DOCK9: variants seen among roughly 807,000 people sequenced by gnomAD.
The protein encoded by DOCK9 is dedicator of cytokinesis protein 9.
In DOCK9, 89 loss-of-function variants were observed where a neutral mutation model predicts 263.3. That is an observed-to-expected ratio of 0.34 (90% confidence interval 0.28 to 0.40). The LOEUF is 0.40. Ranked by LOEUF, DOCK9 falls within the 10% of genes least tolerant of loss-of-function variation. The pLI is 1.00. For synonymous variants in DOCK9, 976 were observed against 973.1 expected (o/e 1.00, Z -0.06); for missense variants, 2,140 against 2,603.4 (o/e 0.82, Z 3.87).
rs201780760 is a variant in DOCK9 at position 98,867,761 on chromosome 13, C to CG, written c.3174+166_3174+167insC. On this transcript the variant is annotated intron_variant, in intron 29 of 52. Transcript: ENST00000682017. ...TGTCTTCAATTGATTTTTAGGGCTCCTCCTACTTCAATGAAGGACTTCAGG... is the reference window on the plus strand; with the variant it reads ...TGTCTTCAATTGATTTTTAGGGCTCCGTCCTACTTCAATGAAGGACTTCAGG... Among the ~76,000 whole-genome samples the CG allele has an allele frequency of 3.2e-3, 487 of 152,150 alleles. 1 individual carries two copies. The highest frequency in any genetic ancestry group is 0.011 in the African/African-American group (448 of 41,506).
At chr13:98,994,645 T>C (rs1399261658) in intron 1 of DOCK9, among the ~76,000 whole-genome samples, 3 of 152,000 alleles carry the variant, frequency 2.0e-5, no homozygotes, top group Non-Finnish European at 4.4e-5. Flanking sequence ...TGAGTGTATA[T>C]ATTATGTAAT....
intron 1 of DOCK9, among the ~76,000 whole-genome samples, chr13:99,049,128 T>C (rs1317267562): frequency 6.6e-6 from 1 of 152,254 alleles, no homozygotes; most frequent in African/African-American, 2.4e-5. Flanking sequence ...ATGACTACCC[T>C]TACTCAATTC....
intron 44 of DOCK9, chr13:98,826,028 T>C: frequency 8.4e-7 from 1 of 1,194,118 alleles, no homozygotes; most frequent in Non-Finnish European, 1.1e-6. Flanking sequence ...TTTCAAAATT[T>C]TTCTCTTTGG....
At chr13:98,947,127 A>G (rs2056822245) in intron 2 of DOCK9, among the ~76,000 whole-genome samples, 1 of 152,164 alleles carries the variant, frequency 6.6e-6, no homozygotes, top group South Asian at 2.1e-4. Context: ...AAACTCTCAA[A>G]TAATACTGCC....
chr13:98,907,244 C>T (rs988229448), intron 9 of DOCK9, among the ~76,000 whole-genome samples: 5 of 152,336 alleles, frequency 3.3e-5, no homozygotes, highest in Middle Eastern at 3.4e-3. Flanking sequence ...CAAGCCACCA[C>T]CAACAGTTAT....
intron 1 of DOCK9, among the ~76,000 whole-genome samples, chr13:99,080,001 C>G (rs183791242): frequency 6.6e-6 from 1 of 152,326 alleles, no homozygotes; most frequent in African/African-American, 2.4e-5. Flanking sequence ...GATTGCACCA[C>G]TGCACTCCAG....
intron 1 of DOCK9, among the ~76,000 whole-genome samples, chr13:99,038,076 T>C (rs936603805): frequency 1.3e-5 from 2 of 152,152 alleles, no homozygotes; most frequent in Non-Finnish European, 2.9e-5. Flanking sequence ...ATTTTAAATA[T>C]GTGCAGTTTA....
chr13:98,876,264 G>T (rs1336678847), intron 27 of DOCK9, among the ~76,000 whole-genome samples: 3 of 152,184 alleles, frequency 2.0e-5, no homozygotes, highest in East Asian at 3.9e-4. Flanking sequence ...GGCCAAGGTG[G>T]GTGGGTCACC....
chr13:98,954,329 T>C (rs1392597816), intron 2 of DOCK9, among the ~76,000 whole-genome samples: 1 of 151,178 alleles, frequency 6.6e-6, no homozygotes, highest in Non-Finnish European at 1.5e-5. Context: ...ACTAAGAGCA[T>C]CAAAGGAGAG....
chr13:99,087,487 CT>C (rs1250559417), upstream of DOCK9, among the ~76,000 whole-genome samples: 2 of 152,120 alleles, frequency 1.3e-5, no homozygotes, highest in Non-Finnish European at 2.9e-5. Context: ...ACCAGGGAAA[CT>C]GCGATGCGCC....
At chr13:98,832,319 GCA>G (rs2092797405) in intron 39 of DOCK9, among the ~76,000 whole-genome samples, 2 of 152,116 alleles carry the variant, frequency 1.3e-5, no homozygotes, top group African/African-American at 4.8e-5. Context: ...CTTATCATAG[GCA>G]TGAATTTGCA....
At chr13:98,922,438 T>G (rs1271152126) in intron 5 of DOCK9, among the ~76,000 whole-genome samples, 1 of 152,192 alleles carries the variant, frequency 6.6e-6, no homozygotes, top group Non-Finnish European at 1.5e-5. Context: ...AAAAAGGACA[T>G]ACCTCAACTG....
At chr13:98,870,946 A>C (rs2094169958) in intron 27 of DOCK9, among the ~76,000 whole-genome samples, 1 of 152,194 alleles carries the variant, frequency 6.6e-6, no homozygotes, top group Non-Finnish European at 1.5e-5. Flanking sequence ...CAGTTTAAGA[A>C]TCAAAGAAAC....
chr13:99,086,529 G>A, exon 1 of DOCK9: 1 of 240,506 alleles, frequency 4.2e-6, no homozygotes, highest in Non-Finnish European at 6.6e-6. Context: ...CGCGCCCTCT[G>A]CACCGTGTCA....
chr13:98,838,440 T>A (rs1208880177), intron 38 of DOCK9, among the ~76,000 whole-genome samples: 2 of 152,226 alleles, frequency 1.3e-5, no homozygotes, highest in Non-Finnish European at 2.9e-5. Flanking sequence ...AAGAGTTGAC[T>A]GCGCTGTGCA....
intron 27 of DOCK9, among the ~76,000 whole-genome samples, chr13:98,873,026 G>C (rs959488649): frequency 3.9e-5 from 6 of 152,320 alleles, no homozygotes; most frequent in African/African-American, 1.4e-4. Context: ...GAGGAGGCTT[G>C]AGGCCTCTCC....
chr13:98,962,464 C>G (rs117903572), intron 1 of DOCK9, among the ~76,000 whole-genome samples: 4,109 of 152,264 alleles, frequency 0.027, 85 homozygotes, highest in Middle Eastern at 0.058. Context: ...CACACGAATG[C>G]TGACGAGGAT....
intron 24 of DOCK9, 124 bp from the exon 25 acceptor site, chr13:98,881,751 T>TA: frequency 8.0e-7 from 1 of 1,246,618 alleles, no homozygotes; most frequent in Admixed American, 2.0e-5. Context: ...GACAAGGAAT[T>TA]AGATGGGGTC....
At chr13:98,887,122 A>G (rs1345823871) in intron 18 of DOCK9, among the ~76,000 whole-genome samples, 1 of 97,716 alleles carries the variant, frequency 1.0e-5, no homozygotes, top group African/African-American at 3.9e-5. Context: ...CAGATACTAT[A>G]TTTTATATAT....
Sources: allele counts gnomAD v4.1 joint callset (sites outside exome capture counted in the v4.1 genomes callset), GRCh38; gene constraint gnomAD v4.1.1; transcripts MANE v1.5; gene names NCBI Gene and HGNC (gene_info 2026-07-23, HGNC 2026-07-21).